The following DRC8 variants were observed in gnomAD, a reference collection of about 807,000 sequenced individuals.
DRC8 encodes the protein dynein regulatory complex protein 8.
the DRC8 span, among the ~76,000 whole-genome samples, chr1:245,094,753 A>G: frequency 6.6e-6 from 1 of 152,204 alleles, no homozygotes; most frequent in East Asian, 1.9e-4. Flanking sequence ...AAAATACTCT[A>G]AAAATTACTA....
At chr1:245,084,118 G>C in the DRC8 span, among the ~76,000 whole-genome samples, 4 of 128,762 alleles carry the variant, frequency 3.1e-5, no homozygotes, top group Admixed American at 9.3e-5. Flanking sequence ...GTCTTGCTCT[G>C]TCACCCAGGC....
At chr1:245,114,354 G>A in the DRC8 span, among the ~76,000 whole-genome samples, 2 of 151,936 alleles carry the variant, frequency 1.3e-5, no homozygotes, top group Non-Finnish European at 2.9e-5. Context: ...AATCCCAGCT[G>A]CTTGGGAGGC....
chr1:245,119,419 A>C, the DRC8 span, among the ~76,000 whole-genome samples: 1 of 151,598 alleles, frequency 6.6e-6, no homozygotes, highest in Non-Finnish European at 1.5e-5. Context: ...CATGCCTGTA[A>C]TCTCAGCATT....
chr1:245,096,104 T>C, the DRC8 span, among the ~76,000 whole-genome samples: 1 of 152,194 alleles, frequency 6.6e-6, no homozygotes, highest in Non-Finnish European at 1.5e-5. Context: ...AGATTGTTTT[T>C]TCAGATAGAA....
chr1:244,979,943 G>A, the DRC8 span, among the ~76,000 whole-genome samples: 1 of 148,780 alleles, frequency 6.7e-6, no homozygotes, highest in Admixed American at 6.8e-5. Context: ...AGTGGCTCAC[G>A]CCTGTAATCC....
At chr1:244,969,961 C>T in the DRC8 span, 1 of 516,870 alleles carries the variant, frequency 1.9e-6, no homozygotes. Context: ...TCACCTAGCT[C>T]TCCGGCGCTT....
the DRC8 span, chr1:245,082,245 C>T: frequency 1.0e-3 from 1,326 of 1,263,864 alleles, 8 homozygotes; most frequent in African/African-American, 0.017. Flanking sequence ...GGCTTTTTCA[C>T]TTTGTGTGTT....
At chr1:245,084,951 C>T in the DRC8 span, among the ~76,000 whole-genome samples, 1 of 152,202 alleles carries the variant, frequency 6.6e-6, no homozygotes. Flanking sequence ...GATGTTACGA[C>T]TTTCAAAGCA....
the DRC8 span, among the ~76,000 whole-genome samples, chr1:244,999,233 A>G: frequency 6.6e-6 from 1 of 151,518 alleles, no homozygotes; most frequent in Non-Finnish European, 1.5e-5. Flanking sequence ...TCCTGAAAAA[A>G]AAAAAAAGCC....
the DRC8 span, among the ~76,000 whole-genome samples, chr1:245,016,155 A>G: frequency 1.3e-5 from 2 of 151,672 alleles, no homozygotes; most frequent in South Asian, 4.2e-4. Context: ...CTAATTTTGT[A>G]TTTTTAGTAG....
At chr1:244,988,344 C>T in the DRC8 span, among the ~76,000 whole-genome samples, 3 of 151,808 alleles carry the variant, frequency 2.0e-5, no homozygotes, top group Non-Finnish European at 4.4e-5. Flanking sequence ...AATTAAGTGG[C>T]ATTTTGTTAT....
the DRC8 span, among the ~76,000 whole-genome samples, chr1:245,078,534 G>C: frequency 1.3e-5 from 2 of 152,152 alleles, no homozygotes; most frequent in Non-Finnish European, 2.9e-5. Context: ...GCAACAACAT[G>C]GATGAACTTG....
the DRC8 span, among the ~76,000 whole-genome samples, chr1:245,072,313 G>T: frequency 2.0e-5 from 3 of 152,044 alleles, no homozygotes; most frequent in African/African-American, 7.2e-5. Flanking sequence ...TTGAGACAGG[G>T]TCTCACTCTG....
At chr1:245,035,712 C>G in the DRC8 span, among the ~76,000 whole-genome samples, 1 of 151,846 alleles carries the variant, frequency 6.6e-6, no homozygotes, top group African/African-American at 2.4e-5. Context: ...ACTAAACATA[C>G]AAAAATTAGC....
At chr1:245,103,433 C>G in the DRC8 span, among the ~76,000 whole-genome samples, 1 of 1,106 alleles carries the variant, frequency 9.0e-4, no homozygotes. Context: ...TGAGGAGGAT[C>G]AGAGGTGGTC....
chr1:245,088,680 G>T, the DRC8 span, among the ~76,000 whole-genome samples: 2 of 152,228 alleles, frequency 1.3e-5, no homozygotes, highest in Admixed American at 1.3e-4. The surrounding 1 kb of genome is among the most constrained non-coding windows in gnomAD (Gnocchi z 4.6). Flanking sequence ...TGCAGGGAGA[G>T]AGCTTTCTGG....
chr1:245,050,773 GT>G, the DRC8 span, among the ~76,000 whole-genome samples: 1 of 152,048 alleles, frequency 6.6e-6, no homozygotes, highest in Non-Finnish European at 1.5e-5. Context: ...CTTTTTTGGA[GT>G]TTTTTCTTCC....
chr1:245,062,855 C>T, the DRC8 span, among the ~76,000 whole-genome samples: 30 of 152,330 alleles, frequency 2.0e-4, no homozygotes, highest in African/African-American at 5.3e-4. Flanking sequence ...TCTGTCTGCT[C>T]ATTATATGAG....
the DRC8 span, among the ~76,000 whole-genome samples, chr1:245,004,076 G>A: frequency 6.6e-6 from 1 of 151,962 alleles, no homozygotes; most frequent in Admixed American, 6.6e-5. Flanking sequence ...TTCTTGGATT[G>A]ATTTTTTTGT....
Sources: gnomAD v4.1 joint callset for allele counts (sites outside exome capture counted in the v4.1 genomes callset) on GRCh38, gnomAD v4.1.1 for gene constraint, Gnocchi (gnomAD v3.1) non-coding constraint, MANE v1.5 for transcripts, NCBI Gene and HGNC (gene_info 2026-07-23, HGNC 2026-07-21) for gene names.